The following C1QTNF6 variants were observed in gnomAD, a reference collection of about 807,000 sequenced individuals.
The protein encoded by C1QTNF6 is C1q and TNF related 6.
Under a neutral mutation model 20.7 loss-of-function variants are expected in C1QTNF6, and 17 were observed. The observed-to-expected ratio is 0.82, with a 90% CI of 0.56 to 1.23. The LOEUF (loss-of-function observed/expected upper bound fraction) is 1.23. Among genes scored for constraint, C1QTNF6 ranks in the 50% most tolerant of loss-of-function variants. C1QTNF6 has a pLI of 0.00. For missense variants in C1QTNF6, 329 were observed against 389.7 expected (o/e 0.84, Z 1.31); for synonymous variants, 130 against 156.3 (o/e 0.83, Z 1.25).
chr22:37,195,760 G>A (rs1403915177), intron 1 of C1QTNF6: 1 of 152,182 alleles, frequency 6.6e-6, no homozygotes, highest in Non-Finnish European at 1.5e-5. Flanking sequence ...ACCGTATAAG[G>A]TAATTTCTGG....
chr22:37,187,631 G>A (rs1268107828), intron 1 of C1QTNF6, among the ~76,000 whole-genome samples: 1 of 152,050 alleles, frequency 6.6e-6, no homozygotes, highest in Non-Finnish European at 1.5e-5. Context: ...GGGATGGGAA[G>A]GAGAACTTCT....
At chr22:37,189,067 T>C (rs1392043634), upstream of C1QTNF6, among the ~76,000 whole-genome samples, 8 of 152,180 alleles carry the variant, frequency 5.3e-5, no homozygotes, top group African/African-American at 1.9e-4. Context: ...ATTCATGAGT[T>C]TTCCAGGAAA....
At chr22:37,183,108 G>A (rs565517985) in intron 2 of C1QTNF6, among the ~76,000 whole-genome samples, 2 of 152,346 alleles carry the variant, frequency 1.3e-5, no homozygotes, top group Admixed American at 1.3e-4. Flanking sequence ...GCGCAGTCCA[G>A]GCTGGCAGGG....
At chr22:37,193,286 G>T (rs575841367), upstream of C1QTNF6, among the ~76,000 whole-genome samples, 232 of 152,330 alleles carry the variant, frequency 1.5e-3, no homozygotes, top group Non-Finnish European at 2.8e-3. Flanking sequence ...CTTAGATTTT[G>T]AGAGTGGTCT....
At position 37,182,634 on chromosome 22, in the gene C1QTNF6, C is replaced by G; in HGVS notation, c.391G>C (p.Glu131Gln). ...GPQGSKGDKG[E>Q]MGSPGAPCQK... ...CACGGGGCGCCGGGGCTGCCCATCT[C>G]CCCCTTGTCACCCTTGCTGCCCTGA... Residue 131 changes from glutamate to glutamine, a missense_variant, in exon 3 of 3, where the codon GAG (glutamate) becomes CAG (glutamine). By Grantham distance (29) the Glu-to-Gln change is conservative. Transcript: ENST00000337843. The G allele has an allele frequency of 1.2e-6, 2 of 1,613,548 alleles. No individual in the cohort carries two copies. The highest frequency in any genetic ancestry group is 1.7e-6 in the Non-Finnish European group (2 of 1,180,006).
chr22:37,187,945 T>A (rs1350886365), intron 1 of C1QTNF6, among the ~76,000 whole-genome samples: 1 of 151,900 alleles, frequency 6.6e-6, no homozygotes, highest in Non-Finnish European at 1.5e-5. Context: ...CAGAGCTGAG[T>A]TTGTGTGTGC....
Position 37,185,217 on chromosome 22 carries a change from C to T in C1QTNF6, c.289+1G>A. 1 of 1,551,994 alleles carries T rather than the reference C, an allele frequency of 6.4e-7. No homozygotes were observed. Among genetic ancestry groups the T allele is most frequent in the South Asian group, 1.2e-5 (1 of 81,180 alleles). On this transcript the variant is annotated splice_donor_variant, in intron 2 of 2. Transcript: ENST00000337843. LOFTEE classifies it high-confidence loss of function. Reference sequence around the variant, plus strand: ...ACCAGGCCCCACAGGAGGGCACTCACCCTTCAGGATGGTGATATTAATGTA... The same window carrying T: ...ACCAGGCCCCACAGGAGGGCACTCATCCTTCAGGATGGTGATATTAATGTA...
In C1QTNF6 at chr22:37,188,236, G is replaced by T. The variant is rs763741450; in HGVS notation, c.-23C>A. 7.5e-6 allele frequency: 12 copies of T among 1,596,286 alleles called. No individual in the cohort carries two copies. In the African/African-American group the frequency reaches 1.6e-4, roughly 21 times the overall value. ...CATGGCCTCTGGCTCCTTGGCCCAT[G>T]TCTGCAATACTAACTTGTTGCTGGC... is the stretch of plus-strand genomic sequence containing the variant. On this transcript the variant is annotated 5_prime_UTR_variant, in exon 1 of 3. Transcript: ENST00000337843.
At position 37,182,148 on chromosome 22, in the gene C1QTNF6, G is replaced by A. The variant is rs1376026832; in HGVS notation, c.*40C>T. The stretch of plus-strand genomic sequence containing the variant: ...CTGAGCCCTGCAGGGGACGGGACCA[G>A]CACCTGAGCTCTCCAGCCGGGAGGG... On this transcript the variant is annotated 3_prime_UTR_variant, in exon 3 of 3. Coordinates refer to ENST00000337843, the MANE Select transcript of C1QTNF6 (RefSeq NM_031910.4). The A allele has an allele frequency of 1.3e-6, 2 of 1,574,374 alleles. No individual in the cohort carries two copies. Among genetic ancestry groups the A allele is most frequent in the South Asian group, 1.2e-5 (1 of 83,714 alleles).
chr22:37,188,510 C>A (rs910036383), upstream of C1QTNF6: 19 of 312,906 alleles, frequency 6.1e-5, no homozygotes, highest in African/African-American at 3.9e-4. Flanking sequence ...GTCTGAGGCC[C>A]CCTGATGATT....
At chr22:37,192,930 G>A (rs1189167569), upstream of C1QTNF6, among the ~76,000 whole-genome samples, 1 of 152,178 alleles carries the variant, frequency 6.6e-6, no homozygotes, top group East Asian at 1.9e-4. Context: ...TAATAAGCAG[G>A]CACAGCTGGA....
At position 37,182,609 on chromosome 22, in the gene C1QTNF6, C is replaced by A; in HGVS notation, c.416G>T (p.Cys139Phe). 1.9e-6 allele frequency: 3 copies of A among 1,613,800 alleles called. No individual in the cohort carries two copies. Among genetic ancestry groups the A allele is most frequent in the Non-Finnish European group, 2.5e-6 (3 of 1,180,038 alleles). Residue 139 changes from cysteine to phenylalanine, a missense_variant, in exon 3 of 3, where the codon TGC becomes TTC. By Grantham distance (205) the Cys-to-Phe change is radical. Coordinates refer to ENST00000337843, the MANE Select transcript of C1QTNF6 (RefSeq NM_031910.4). ...KGEMGSPGAP[C>F]QKRFFAFSVG... The stretch of plus-strand genomic sequence containing the variant: ...TGAGAAGGCGAAGAAGCGCTTCTGG[C>A]ACGGGGCGCCGGGGCTGCCCATCTC...
chr22:37,182,476 A>T lies in C1QTNF6; in HGVS notation c.549T>A (p.Phe183Leu), dbSNP rs1043361128. Residue 183 changes from phenylalanine to leucine, a missense_variant, in exon 3 of 3, where the codon TTT (phenylalanine) becomes TTA (leucine). Physicochemically the swap from Phe to Leu is conservative, Grantham distance 22. Coordinates refer to ENST00000337843, the MANE Select transcript of C1QTNF6 (RefSeq NM_031910.4). ...DGCFDMATGQ[F>L]AAPLRGIYFF... is the part of the protein sequence containing the mutation. Reference sequence around the variant, plus strand: ...AGTAGATGCCACGCAGGGGAGCAGCAAACTGGCCGGTCGCCATGTCAAAGC... The same window carrying T: ...AGTAGATGCCACGCAGGGGAGCAGCTAACTGGCCGGTCGCCATGTCAAAGC... 1 of 1,614,268 alleles carries T rather than the reference A, an allele frequency of 6.2e-7. No homozygotes were observed. Among genetic ancestry groups the T allele is most frequent in the Non-Finnish European group, 8.5e-7 (1 of 1,180,050 alleles).
At position 37,180,704 on chromosome 22, in the gene C1QTNF6, G is replaced by A. The variant is rs1025272693; in HGVS notation, c.*1484C>T. On this transcript the variant is annotated 3_prime_UTR_variant, in exon 3 of 3. Coordinates refer to ENST00000337843, the MANE Select transcript of C1QTNF6 (RefSeq NM_031910.4). The stretch of plus-strand genomic sequence containing the variant: ...GGGGCATGAGGGGCAGAGAGCACCT[G>A]GGGACAGACATCAGTGTCTGAGGGC... 1.3e-5 allele frequency: 2 copies of A among 153,332 alleles called. No homozygotes were observed. Among genetic ancestry groups the A allele is most frequent in the African/African-American group, 4.8e-5 (2 of 41,474 alleles). The allele number at this position is 153,332 out of a possible 1,614,324, so 9.5% of individuals were successfully genotyped here.
upstream of C1QTNF6, among the ~76,000 whole-genome samples, chr22:37,199,071 T>C (rs1435411986): frequency 1.3e-5 from 2 of 152,176 alleles, no homozygotes; most frequent in Admixed American, 1.3e-4. Flanking sequence ...TGCTGATTGT[T>C]GGAGGGGAAA....
At chr22:37,199,393 G>A (rs1023590088), upstream of C1QTNF6, 2 of 152,386 alleles carry the variant, frequency 1.3e-5, no homozygotes, top group African/African-American at 2.4e-5. Context: ...CTCGCGCCCG[G>A]AGGGCGGAGC....
rs1923652104 is a variant in C1QTNF6, at chr22:37,180,382, A to T, written c.*1806T>A. ...CAGCCCCAGAGTCTGCATGAGCACCAATGGGCGGAGGCCGCCTCCCTCTGG... is the reference window on the plus strand; with the variant it reads ...CAGCCCCAGAGTCTGCATGAGCACCTATGGGCGGAGGCCGCCTCCCTCTGG... On this transcript the variant is annotated 3_prime_UTR_variant, in exon 3 of 3. Coordinates refer to ENST00000337843, the MANE Select transcript of C1QTNF6 (RefSeq NM_031910.4). 1 of 152,672 alleles carries T rather than the reference A, an allele frequency of 6.5e-6. No individual in the cohort carries two copies. Among genetic ancestry groups the T allele is most frequent in the African/African-American group, 2.4e-5 (1 of 41,440 alleles). 9.5% of individuals were successfully genotyped at this position (152,672 alleles called of 1,614,324 possible).
upstream of C1QTNF6, among the ~76,000 whole-genome samples, chr22:37,189,960 G>A (rs5995396): frequency 0.15 from 22,366 of 152,076 alleles, 1,778 homozygotes; most frequent in South Asian, 0.21. Context: ...GAGCTGATAC[G>A]GAGTTGCTAG....
intron 1 of C1QTNF6, chr22:37,196,328 G>C (rs1469187819): frequency 6.6e-6 from 1 of 152,254 alleles, no homozygotes; most frequent in Non-Finnish European, 1.5e-5. Context: ...GTTAGGCAGG[G>C]GGAAGTTTGG....
Sources: allele counts gnomAD v4.1 joint callset (sites outside exome capture counted in the v4.1 genomes callset), GRCh38; gene constraint gnomAD v4.1.1; transcripts MANE v1.5; gene names NCBI Gene and HGNC (gene_info 2026-07-23, HGNC 2026-07-21).